The following GPALPP1 variants were observed in gnomAD, a reference collection of about 807,000 sequenced individuals.
The protein encoded by GPALPP1 is GPALPP motifs-containing protein 1.
Under a neutral mutation model 38.9 loss-of-function variants are expected in GPALPP1, and 30 were observed. The ratio of observed to expected loss-of-function variants is 0.77; its 90% CI spans 0.58 to 1.05. GPALPP1 has a LOEUF of 1.05. GPALPP1 is among the 50% of genes least tolerant of loss of function. GPALPP1 has a pLI of 0.00. For synonymous variants in GPALPP1, 120 were observed against 139.2 expected, an observed-to-expected ratio of 0.86 and a Z score of 0.97; for missense variants, 384 against 408.8, an observed-to-expected ratio of 0.94 and a Z score of 0.52.
intron 1 of GPALPP1, among the ~76,000 whole-genome samples, chr13:44,994,205 G>A (rs1873073795): frequency 8.0e-6 from 1 of 125,276 alleles, no homozygotes; most frequent in Admixed American, 8.7e-5. Context: ...GTGATAAAGT[G>A]AGACCCTGTC....
At chr13:45,019,012 T>C (rs1259461255) in intron 6 of GPALPP1, among the ~76,000 whole-genome samples, 5 of 60,102 alleles carry the variant, frequency 8.3e-5, no homozygotes, top group Non-Finnish European at 2.0e-4. Flanking sequence ...CATATAAATA[T>C]ATATACACAT....
At chr13:44,994,652 G>A (rs549840619) in intron 1 of GPALPP1, among the ~76,000 whole-genome samples, 1 of 152,134 alleles carries the variant, frequency 6.6e-6, no homozygotes, top group Non-Finnish European at 1.5e-5. Context: ...CTTCATCTTG[G>A]GATTCAGGTG....
rs11616867 is a variant in GPALPP1 at position 44,992,681 on chromosome 13, G to A, written c.88+2939G>A. Among the ~76,000 whole-genome samples the A allele has an allele frequency of 8.6e-3, 1,314 of 152,122 alleles. 11 individuals carry two copies. The highest frequency in any genetic ancestry group is 0.015 in the Non-Finnish European group (1,004 of 67,980). The stretch of plus-strand genomic sequence containing the variant: ...GATGAAAATTTTTTGCCCCTGTAAG[G>A]GTATCCTGGCACCATTTATTGAACA... On this transcript the variant is annotated intron_variant, in intron 1 of 7. Coordinates refer to ENST00000379151, the MANE Select transcript of GPALPP1 (RefSeq NM_018559.5).
chr13:44,996,130 G>A (rs1873250957), intron 1 of GPALPP1, among the ~76,000 whole-genome samples: 1 of 152,094 alleles, frequency 6.6e-6, no homozygotes, highest in Admixed American at 6.5e-5. Flanking sequence ...TAAGGTGGGA[G>A]GATCACTTGA....
chr13:45,006,232 T>C lies in GPALPP1; in HGVS notation c.252T>C (p.Asp84=), dbSNP rs985122766. Residue 84 remains aspartate (D), a synonymous_variant, in exon 3 of 8, where the codon GAT becomes GAC. Transcript: ENST00000379151. Reference sequence around the variant, plus strand: ...AGAGGAAAAATCAGGATGATGACGATGATGATGATGATGGGTTTTTTGGAC... The same window carrying C: ...AGAGGAAAAATCAGGATGATGACGACGATGATGATGATGGGTTTTTTGGAC... The part of the protein sequence containing the change: ...RKQRKNQDDD[D]DDDDGFFGPA... 2 of 1,581,116 alleles carry C rather than the reference T, an allele frequency of 1.3e-6. No individual in the cohort carries two copies. The highest frequency in any genetic ancestry group is 1.3e-5 in the African/African-American group (1 of 74,158).
chr13:44,993,664 A>G (rs1328742557), intron 1 of GPALPP1, among the ~76,000 whole-genome samples: 2 of 151,526 alleles, frequency 1.3e-5, no homozygotes, highest in Admixed American at 1.3e-4. Context: ...CCTGGGCGAC[A>G]GATCGAGACT....
intron 3 of GPALPP1, among the ~76,000 whole-genome samples, chr13:45,008,559 T>C (rs1310764433): frequency 6.6e-6 from 1 of 152,210 alleles, no homozygotes; most frequent in Non-Finnish European, 1.5e-5. Flanking sequence ...GATTGAGAAT[T>C]ATTGGCTTAG....
chr13:44,997,805 C>T lies in GPALPP1; in HGVS notation c.89-6500C>T, dbSNP rs1381342362. 2.6e-5 allele frequency among the ~76,000 whole-genome samples: 4 copies of T among 152,148 alleles called. No individual in the cohort carries two copies. In the East Asian group the frequency reaches 7.7e-4, roughly 29 times the overall value. On this transcript the variant is annotated intron_variant, in intron 1 of 7. Transcript: ENST00000379151. Reference sequence around the variant, plus strand: ...TGCTGGTGCTCTCAACTGCTTTATCCCATTGGGTATTCTGCCAAACCCATC... The same window carrying T: ...TGCTGGTGCTCTCAACTGCTTTATCTCATTGGGTATTCTGCCAAACCCATC...
intron 6 of GPALPP1, among the ~76,000 whole-genome samples, chr13:45,017,557 T>A (rs1874966347): frequency 6.6e-6 from 1 of 152,264 alleles, no homozygotes; most frequent in South Asian, 2.1e-4. Flanking sequence ...TTAATTCCCT[T>A]GCTTACATGC....
At chr13:45,015,194 A>AT (rs926898207) in intron 5 of GPALPP1, 111 bp downstream of exon 5, 4 of 702,510 alleles carry the variant, frequency 5.7e-6, no homozygotes, top group Admixed American at 7.8e-5. Flanking sequence ...TATGCATAAC[A>AT]TTTTTTTAAA....
chr13:45,028,704 T>A lies in GPALPP1; in HGVS notation c.*701T>A, dbSNP rs1231451927. 6.6e-6 allele frequency: 1 copy of A among 151,952 alleles called. No individual in the cohort carries two copies. The highest frequency in any genetic ancestry group is 2.4e-5 in the African/African-American group (1 of 41,244). The allele number at this position is 151,952 out of a possible 1,614,324, so 9.4% of individuals were successfully genotyped here. ...CCAGGAATTCAAGGCAGCAGTGAGCTGTGATTGTGCCATTGCACTCCAGTC... is the reference window on the plus strand; with the variant it reads ...CCAGGAATTCAAGGCAGCAGTGAGCAGTGATTGTGCCATTGCACTCCAGTC... On this transcript the variant is annotated 3_prime_UTR_variant, in exon 8 of 8. Transcript: ENST00000379151.
At chr13:44,998,336 T>C (rs1873436978) in intron 1 of GPALPP1, among the ~76,000 whole-genome samples, 1 of 152,182 alleles carries the variant, frequency 6.6e-6, no homozygotes, top group Admixed American at 6.5e-5. Flanking sequence ...CTCTACTTCA[T>C]ATCCCCCTCT....
rs1873891129 is a variant in GPALPP1 at position 45,004,041 on chromosome 13, CTATAAGTTCGGGTT to C, written c.89-254_89-241del. 5.3e-5 allele frequency among the ~76,000 whole-genome samples: 8 copies of C among 151,868 alleles called. No individual in the cohort carries two copies. The South Asian group carries it at 1.7e-3, about 32-fold the overall frequency. On this transcript the variant is annotated intron_variant, in intron 1 of 7. Coordinates refer to ENST00000379151, the MANE Select transcript of GPALPP1 (RefSeq NM_018559.5). ...AGGAAATTACATGCTATTGCTATAT[CTATAAGTTCGGGTT>C]TATAAGTTCAGATATTAACAAAGCT...
chr13:45,026,202 A>C (rs1875822992), intron 7 of GPALPP1, among the ~76,000 whole-genome samples: 1 of 152,216 alleles, frequency 6.6e-6, no homozygotes. Context: ...CAATATTTAT[A>C]AAATACTTAA....
downstream of GPALPP1, among the ~76,000 whole-genome samples, chr13:45,032,371 T>C (rs1876239960): frequency 6.6e-6 from 1 of 152,116 alleles, no homozygotes; most frequent in South Asian, 2.1e-4. Flanking sequence ...CCACTTGACA[T>C]TTAATTTATC....
At position 45,020,380 on chromosome 13, in the gene GPALPP1, A is replaced by G. The variant is rs1273139158; in HGVS notation, c.756A>G (p.Ile252Met). The G allele has an allele frequency of 6.4e-7, 1 of 1,551,344 alleles. No individual in the cohort carries two copies. The highest frequency in any genetic ancestry group is 1.1e-5 in the South Asian group (1 of 89,588). ...KSSSKKDEEH[I>M]LSGRDKRLAE... ...CCAGTAAGAAAGATGAAGAACATAT[A>G]TTATCAGGAAGAGATAAGAGACTGG... The change falls in exon 7 of 8, where the codon ATA (isoleucine) becomes ATG (methionine). Residue 252 changes from isoleucine to methionine, a missense_variant. Ile to Met is a conservative substitution (Grantham distance 10, BLOSUM62 1). Coordinates refer to ENST00000379151, the MANE Select transcript of GPALPP1 (RefSeq NM_018559.5).
At chr13:44,997,016 G>C (rs1873342175) in intron 1 of GPALPP1, among the ~76,000 whole-genome samples, 1 of 151,218 alleles carries the variant, frequency 6.6e-6, no homozygotes, top group South Asian at 2.1e-4. Flanking sequence ...CTCCTGACAA[G>C]CACCATTCTA....
chr13:45,033,596 T>C (rs940672520), downstream of GPALPP1: 4 of 152,244 alleles, frequency 2.6e-5, no homozygotes, highest in Admixed American at 1.3e-4. Flanking sequence ...AATAAAGTTT[T>C]ATCTATATCT....
At chr13:45,034,741 T>TC (rs1566088560), downstream of GPALPP1, 5 of 138,358 alleles carry the variant, frequency 3.6e-5, no homozygotes, top group Non-Finnish European at 6.2e-5. Flanking sequence ...TTTTTTTTTT[T>TC]ATTTTTTTTT....
Sources: gnomAD v4.1 joint callset for allele counts (sites outside exome capture counted in the v4.1 genomes callset) on GRCh38, gnomAD v4.1.1 for gene constraint, MANE v1.5 for transcripts, NCBI Gene and HGNC (gene_info 2026-07-23, HGNC 2026-07-21) for gene names.